ADARB2: variants seen among roughly 807,000 people sequenced by gnomAD.
The protein encoded by ADARB2 is adenosine deaminase RNA specific B2 (inactive).
ADARB2 carries 25 observed loss-of-function variants against 62.2 expected under a neutral mutation model. The observed-to-expected ratio is 0.40, with a 90% confidence interval of 0.29 to 0.56. ADARB2 has a LOEUF of 0.56. Among genes scored for constraint, ADARB2 ranks in the 20% least tolerant of loss-of-function variants. The pLI is 0.43. For missense variants in ADARB2, 1,071 were observed against 1,077.4 expected, an observed-to-expected ratio of 0.99 and a Z score of 0.08; for synonymous variants, 572 against 500.8, an observed-to-expected ratio of 1.14 and a Z score of -1.90.
chr10:1,227,349 G>A (rs1286822991), intron 6 of ADARB2, among the ~76,000 whole-genome samples: 4 of 152,160 alleles, frequency 2.6e-5, no homozygotes, highest in Non-Finnish European at 4.4e-5. Flanking sequence ...GACCCCTTGC[G>A]CTTCCCGGGT....
At chr10:1,632,549 G>T (rs1031847801) in intron 1 of ADARB2, among the ~76,000 whole-genome samples, 2 of 152,196 alleles carry the variant, frequency 1.3e-5, no homozygotes, top group African/African-American at 4.8e-5. Context: ...GCGAGGCTGT[G>T]GGCTGAGTTG....
intron 6 of ADARB2, among the ~76,000 whole-genome samples, chr10:1,221,195 A>C (rs1404667303): frequency 1.3e-5 from 2 of 152,156 alleles, no homozygotes; most frequent in Non-Finnish European, 2.9e-5. Flanking sequence ...TGCCTGAGAC[A>C]GTGAAAGTGT....
intron 1 of ADARB2, among the ~76,000 whole-genome samples, chr10:1,679,608 G>T (rs544443523): frequency 2.0e-5 from 3 of 152,104 alleles, no homozygotes; most frequent in African/African-American, 7.2e-5. Context: ...TTATGTTAAT[G>T]CCTCATTATG....
chr10:1,351,258 C>A (rs1209814513), intron 3 of ADARB2, among the ~76,000 whole-genome samples: 1 of 152,222 alleles, frequency 6.6e-6, no homozygotes, highest in African/African-American at 2.4e-5. Flanking sequence ...CCTGGACCAT[C>A]ACGGATGCTG....
chr10:1,610,007 C>T (rs531450176), intron 1 of ADARB2, among the ~76,000 whole-genome samples: 1 of 152,300 alleles, frequency 6.6e-6, no homozygotes, highest in East Asian at 1.9e-4. Context: ...TGCCCAGAGA[C>T]CTTCAAGCTT....
chr10:1,505,608 G>A (rs954601319), intron 1 of ADARB2, among the ~76,000 whole-genome samples: 8 of 152,120 alleles, frequency 5.3e-5, no homozygotes, highest in African/African-American at 1.9e-4. Flanking sequence ...AGGCGCGTCA[G>A]CCGCCTCCCC....
chr10:1,284,128 G>C (rs1165932805), intron 3 of ADARB2, among the ~76,000 whole-genome samples: 3 of 152,096 alleles, frequency 2.0e-5, no homozygotes, highest in African/African-American at 7.2e-5. Flanking sequence ...TGCTTCTCAG[G>C]GTCAGACACG....
chr10:1,641,333 C>G (rs1198582918), intron 1 of ADARB2, among the ~76,000 whole-genome samples: 1 of 152,238 alleles, frequency 6.6e-6, no homozygotes, highest in Non-Finnish European at 1.5e-5. Context: ...TGACCTGCCA[C>G]GTGCTGACCT....
At chr10:1,623,580 A>G (rs925930692) in intron 1 of ADARB2, among the ~76,000 whole-genome samples, 5 of 152,344 alleles carry the variant, frequency 3.3e-5, no homozygotes, top group African/African-American at 9.6e-5. Flanking sequence ...CTTCCCAGGC[A>G]TGGTCCACCG....
rs1459674518 is a variant in ADARB2, at chr10:1,179,586, A to G, written c.*3607T>C. The stretch of plus-strand genomic sequence containing the variant: ...GCAAAAAGGCCAGAAACCACCAGAC[A>G]CTAACTTTTTGACTAAGAACCAGGC... On this transcript the variant is annotated 3_prime_UTR_variant, in exon 10 of 10. Coordinates refer to ENST00000381312, the MANE Select transcript of ADARB2 (RefSeq NM_018702.4). 6.6e-6 allele frequency: 1 copy of G among 152,222 alleles called. No homozygotes were observed. The highest frequency in any genetic ancestry group is 2.4e-5 in the African/African-American group (1 of 41,442). The allele number at this position is 152,222 out of a possible 1,614,324, so 9.4% of individuals were successfully genotyped here.
intron 1 of ADARB2, among the ~76,000 whole-genome samples, chr10:1,589,804 G>C (rs1238447083): frequency 1.3e-5 from 2 of 152,252 alleles, no homozygotes; most frequent in African/African-American, 4.8e-5. Context: ...CTCCTGAGTA[G>C]CTGGGATTAC....
intron 1 of ADARB2, among the ~76,000 whole-genome samples, chr10:1,646,777 T>C (rs1462875928): frequency 6.6e-6 from 1 of 152,228 alleles, no homozygotes; most frequent in Admixed American, 6.5e-5. Context: ...GATGTGCTAT[T>C]TGAGGTGCTG....
intron 1 of ADARB2, among the ~76,000 whole-genome samples, chr10:1,538,029 A>C (rs2131965624): frequency 6.6e-6 from 1 of 152,366 alleles, no homozygotes; most frequent in South Asian, 2.1e-4. Flanking sequence ...AACTGCAAGC[A>C]GTAGCTCCTC....
chr10:1,557,810 C>G (rs2813359), intron 1 of ADARB2, among the ~76,000 whole-genome samples: 135,120 of 152,144 alleles, frequency 0.89, 61,028 homozygotes, highest in South Asian at 0.98. Flanking sequence ...TACTCTGGAG[C>G]CTGAGACATG....
intron 1 of ADARB2, among the ~76,000 whole-genome samples, chr10:1,710,861 TGAG>T (rs1168873852): frequency 6.6e-6 from 1 of 152,152 alleles, no homozygotes; most frequent in Admixed American, 6.5e-5. Context: ...CAGGCCAGTG[TGAG>T]GAGGAGGACA....
chr10:1,328,271 T>C (rs564425265), intron 3 of ADARB2, among the ~76,000 whole-genome samples: 2 of 152,192 alleles, frequency 1.3e-5, no homozygotes, highest in African/African-American at 4.8e-5. Context: ...AACCCCTGAC[T>C]GTAGTCAACG....
chr10:1,686,364 G>C (rs1834596901), intron 1 of ADARB2, among the ~76,000 whole-genome samples: 1 of 152,242 alleles, frequency 6.6e-6, no homozygotes, highest in Non-Finnish European at 1.5e-5. Context: ...ATCATGTGCT[G>C]GGAGAGTGAG....
intron 1 of ADARB2, among the ~76,000 whole-genome samples, chr10:1,554,502 C>A (rs947706470): frequency 6.6e-6 from 1 of 152,090 alleles, no homozygotes; most frequent in Non-Finnish European, 1.5e-5. Flanking sequence ...CAGCCAGCAT[C>A]CCCCCAAGTT....
At chr10:1,499,663 C>G (rs556376878) in intron 1 of ADARB2, among the ~76,000 whole-genome samples, 1 of 151,860 alleles carries the variant, frequency 6.6e-6, no homozygotes, top group Non-Finnish European at 1.5e-5. Flanking sequence ...ACTCATTACT[C>G]GTCACTCACC....
Sources: allele counts gnomAD v4.1 joint callset (sites outside exome capture counted in the v4.1 genomes callset), GRCh38; gene constraint gnomAD v4.1.1; transcripts MANE v1.5; gene names NCBI Gene and HGNC (gene_info 2026-07-23, HGNC 2026-07-21).